The following MAFG variants were observed in gnomAD, a reference collection of about 807,000 sequenced individuals.
The protein encoded by MAFG is MAF bZIP transcription factor G, also known as transcription factor MafG.
Under a neutral mutation model 12.2 loss-of-function variants are expected in MAFG, and 3 were observed. The ratio of observed to expected loss-of-function variants is 0.25; its 90% confidence interval spans 0.11 to 0.64. The LOEUF (loss-of-function observed/expected upper bound fraction) is 0.64, where lower values mean the gene tolerates loss of function less well. Ranked by LOEUF, MAFG falls within the 30% of genes least tolerant of loss-of-function variation. MAFG has a pLI of 0.85. For missense variants in MAFG, 153 were observed against 235.5 expected (o/e 0.65, Z 2.29); for synonymous variants, 126 against 109.1 (o/e 1.15, Z -0.96).
chr17:81,925,457 G>A (rs906939650), intron 1 of MAFG, among the ~76,000 whole-genome samples: 2 of 152,244 alleles, frequency 1.3e-5, no homozygotes, highest in African/African-American at 4.8e-5. Context: ...GCTCCTGAAA[G>A]TCACTCTTTG....
chr17:81,922,921 G>A lies in MAFG; in HGVS notation c.173C>T (p.Thr58Met), dbSNP rs1598347485. 1.9e-6 allele frequency: 3 copies of A among 1,608,212 alleles called. No individual in the cohort carries two copies. The highest frequency in any genetic ancestry group is 2.5e-6 in the Non-Finnish European group (3 of 1,177,848). The change falls in exon 3 of 3, where the codon ACG becomes ATG. Residue 58 changes from threonine (T) to methionine (M), a missense_variant. Coordinates refer to ENST00000357736, the MANE Select transcript of MAFG (RefSeq NM_002359.4). ...GGCAGCGTAGCCGCGGTTCTTGAGC[G>A]TGCGCCGGCGCTGCTTCAGCTGGAC... ...EIVQLKQRRR[T>M]LKNRGYAASC... is the part of the protein sequence containing the mutation.
chr17:81,929,145 G>A (rs757839535), upstream of MAFG, among the ~76,000 whole-genome samples: 9 of 152,216 alleles, frequency 5.9e-5, no homozygotes, highest in Admixed American at 2.0e-4. The surrounding 1 kb of genome is among the most constrained non-coding windows in gnomAD (Gnocchi z 5.7). Context: ...TCACAGGGTC[G>A]AGCCCGCTCT....
At chr17:81,928,199 TC>T (rs1392864212), upstream of MAFG, 3 of 152,100 alleles carry the variant, frequency 2.0e-5, no homozygotes, top group Non-Finnish European at 4.4e-5. The surrounding 1 kb of genome is among the most constrained non-coding windows in gnomAD (Gnocchi z 8.1). Context: ...GCCTGGCAGC[TC>T]CCAGCAGCGA....
rs2040951719 is a variant in MAFG, at chr17:81,927,541, C to T, written c.-43G>A. The T allele has an allele frequency of 6.9e-6, 1 of 145,492 alleles. No individual in the cohort carries two copies. Among genetic ancestry groups the T allele is most frequent in the Admixed American group, 6.8e-5 (1 of 14,690 alleles). 9.0% of individuals were successfully genotyped at this position (145,492 alleles called of 1,614,324 possible). On this transcript the variant is annotated 5_prime_UTR_variant, in exon 1 of 3. Transcript: ENST00000357736. ...AGCCGCACTCACCACACTGCGGGCCCGGCGGGCCGAGGCCGGGGCGGGGCG... is the reference window on the plus strand; with the variant it reads ...AGCCGCACTCACCACACTGCGGGCCTGGCGGGCCGAGGCCGGGGCGGGGCG...
intron 1 of MAFG, 46 bp from the exon 2 acceptor site, chr17:81,923,260 G>GCCCCCCCCCCCCCCCC (rs1418757108): frequency 9.3e-6 from 4 of 428,384 alleles, no homozygotes; most frequent in Non-Finnish European, 9.4e-6. Context: ...CACCCTCGCC[G>GCCCCCCCCCCCCCCCC]CACCCCCCCC....
At chr17:81,925,383 C>T (rs1258182381) in intron 1 of MAFG, among the ~76,000 whole-genome samples, 2 of 152,270 alleles carry the variant, frequency 1.3e-5, no homozygotes, top group African/African-American at 4.8e-5. Flanking sequence ...ACAGCCCCAC[C>T]TGGCTGCAAA....
chr17:81,922,464 A>G lies in MAFG; in HGVS notation c.*141T>C, dbSNP rs1215421226. On this transcript the variant is annotated 3_prime_UTR_variant, in exon 3 of 3. Coordinates refer to ENST00000357736, the MANE Select transcript of MAFG (RefSeq NM_002359.4). ...GGGCTCAGCCCGGCGCCCCTGGGGT[A>G]CAGGTTGTGCTTTGCAGGGAAGAGA... 1 of 620,840 alleles carries G rather than the reference A, an allele frequency of 1.6e-6. No individual in the cohort carries two copies. The highest frequency in any genetic ancestry group is 2.6e-6 in the Non-Finnish European group (1 of 391,256). 38.5% of individuals were successfully genotyped at this position (620,840 alleles called of 1,614,324 possible).
At chr17:81,931,159 C>T (rs1359712071), upstream of MAFG, among the ~76,000 whole-genome samples, 3 of 152,166 alleles carry the variant, frequency 2.0e-5, no homozygotes, top group Non-Finnish European at 4.4e-5. Context: ...CTCCTAGGGC[C>T]CGCCTGCTGA....
rs1281888898 is a variant in MAFG, at chr17:81,926,444, C to T, written c.-30+1084G>A. 6.6e-6 allele frequency among the ~76,000 whole-genome samples: 1 copy of T among 152,132 alleles called. No homozygotes were observed. The highest frequency in any genetic ancestry group is 2.4e-5 in the African/African-American group (1 of 41,426). On this transcript the variant is annotated intron_variant, in intron 1 of 2. Transcript: ENST00000357736. The surrounding 1 kb of genome is among the most constrained non-coding windows in gnomAD (Gnocchi z 4.6). ...GCTGCTTCCTCCCCTTTGCCGTTTCCTGGTAGAGCTGCCCCTGCTTCCTCC... is the reference window on the plus strand; with the variant it reads ...GCTGCTTCCTCCCCTTTGCCGTTTCTTGGTAGAGCTGCCCCTGCTTCCTCC...
In MAFG at chr17:81,923,172, T is replaced by C. The variant is rs544293892; in HGVS notation, c.14A>G (p.Asn5Ser). Residue 5 changes from asparagine (N) to serine (S), a missense_variant, in exon 2 of 3, where the codon AAT becomes AGT. Asn to Ser is a conservative substitution (Grantham distance 46). Around this residue, in one of 3 missense-constraint regions of MAFG, gnomAD observed 43 missense variants for 65.6 expected, o/e 0.66. Coordinates refer to ENST00000357736, the MANE Select transcript of MAFG (RefSeq NM_002359.4). The part of the protein sequence containing the change: MTTP[N>S]KGNKALKVKR... ...CACCTTCAAGGCCTTGTTTCCTTTA[T>C]TGGGGGTCGTCATAACCCGGGGGCA... The C allele has an allele frequency of 1.1e-4, 181 of 1,606,756 alleles. 4 individuals are homozygous for C. The South Asian group carries it at 1.6e-3, about 14-fold the overall frequency.
rs1567916031 is a variant in MAFG, at chr17:81,926,028, G to GTGTGTGTGTGTGTGT, written c.-30+1499_-30+1500insACACACACACACACA. ...TGTGTGTGTGTGTGTGTGTGTGTGT[G>GTGTGTGTGTGTGTGT]GCGGGGGGCGGGGGGCATCCCTGAG... On this transcript the variant is annotated intron_variant, in intron 1 of 2. Transcript: ENST00000357736. The surrounding 1 kb of genome is among the most constrained non-coding windows in gnomAD (Gnocchi z 4.6). 1.5e-4 allele frequency among the ~76,000 whole-genome samples: 17 copies of GTGTGTGTGTGTGTGT among 109,688 alleles called. No homozygotes were observed. Among genetic ancestry groups the GTGTGTGTGTGTGTGT allele is most frequent in the African/African-American group, 5.2e-4 (16 of 31,052 alleles). 72.0% of individuals were successfully genotyped at this position (109,688 alleles called of 152,430 possible). A position where few individuals can be genotyped will look rare whatever the true frequency, so the allele number is the denominator to read the frequency against.
intron 1 of MAFG, chr17:81,923,665 CCCGCCAGCCAACAGCG>C (rs2040918326): frequency 6.4e-6 from 1 of 155,628 alleles, no homozygotes. Flanking sequence ...CACTCCCTGG[CCCGCCAGCCAACAGCG>C]CCCCACGAGA....
upstream of MAFG, chr17:81,929,505 G>C (rs1416309470): frequency 6.6e-6 from 1 of 152,396 alleles, no homozygotes; most frequent in Non-Finnish European, 1.5e-5. This position sits in a 1 kb window ranked among gnomAD's most constrained non-coding sequence, Gnocchi z 5.7. Flanking sequence ...GGTCAGTGAG[G>C]GCTGGCACTG....
rs1598347493 is a variant in MAFG, at chr17:81,922,959, G to C, written c.135C>G (p.Ser45=). The C allele has an allele frequency of 2.5e-6, 4 of 1,602,014 alleles. No homozygotes were observed. Among genetic ancestry groups the C allele is most frequent in the Non-Finnish European group, 3.4e-6 (4 of 1,174,552 alleles). The change falls in exon 3 of 3, where the codon TCC becomes TCG. Residue 45 remains serine (S), a synonymous_variant. Transcript: ENST00000357736. ...RELNQHLRGL[S]KEEIVQLKQR... ...GCTTCAGCTGGACGATCTCCTCCTT[G>C]GACAGGCCCCGCAGGTGCTGGTTCA...
At position 81,926,034 on chromosome 17, in the gene MAFG, G is replaced by A; in HGVS notation, c.-30+1494C>T. On this transcript the variant is annotated intron_variant, in intron 1 of 2. Coordinates refer to ENST00000357736, the MANE Select transcript of MAFG (RefSeq NM_002359.4). The surrounding 1 kb of genome is among the most constrained non-coding windows in gnomAD (Gnocchi z 4.6). Reference sequence around the variant, plus strand: ...TGTGTGTGTGTGTGTGTGTGGCGGGGGGCGGGGGGCATCCCTGAGGGCAAA... The same window carrying A: ...TGTGTGTGTGTGTGTGTGTGGCGGGAGGCGGGGGGCATCCCTGAGGGCAAA... Among the ~76,000 whole-genome samples the A allele has an allele frequency of 7.4e-6, 1 of 134,562 alleles. No individual in the cohort carries two copies. The highest frequency in any genetic ancestry group is 2.7e-5 in the African/African-American group (1 of 36,674). 88.3% of individuals were successfully genotyped at this position (134,562 alleles called of 152,430 possible). A position where few individuals can be genotyped will look rare whatever the true frequency, so the allele number is the denominator to read the frequency against.
chr17:81,922,395 A>C lies in MAFG; in HGVS notation c.*210T>G, dbSNP rs975666049. On this transcript the variant is annotated 3_prime_UTR_variant, in exon 3 of 3. Transcript: ENST00000357736. ...ACCCCACGTCACCGCCGAACTGACC[A>C]ATCCCAACATACAAAACACACGACG... The C allele has an allele frequency of 2.3e-6, 1 of 436,102 alleles. No homozygotes were observed. The highest frequency in any genetic ancestry group is 2.1e-5 in the African/African-American group (1 of 48,222). The allele number at this position is 436,102 out of a possible 1,614,324, so 27.0% of individuals were successfully genotyped here.
At position 81,921,732 on chromosome 17, in the gene MAFG, T is replaced by C. The variant is rs1227604300; in HGVS notation, c.*873A>G. ...TTAACTAGCAAAGTTTCTATTATAC[T>C]TTCTTCCCTTTTCCATTCATATGGT... On this transcript the variant is annotated 3_prime_UTR_variant, in exon 3 of 3. Transcript: ENST00000357736. 2 of 152,038 alleles carry C rather than the reference T, an allele frequency of 1.3e-5. No individual in the cohort carries two copies. The highest frequency in any genetic ancestry group is 4.8e-5 in the African/African-American group (2 of 41,386). 9.4% of individuals were successfully genotyped at this position (152,038 alleles called of 1,614,324 possible).
chr17:81,931,005 G>C (rs889828055), upstream of MAFG, among the ~76,000 whole-genome samples: 1 of 152,148 alleles, frequency 6.6e-6, no homozygotes, highest in Non-Finnish European at 1.5e-5. Context: ...CCGTCCTCAC[G>C]CTCTGTGGCT....
At chr17:81,923,256 C>CT in intron 1 of MAFG, 42 bp from the exon 2 acceptor site, 1 of 824,920 alleles carries the variant, frequency 1.2e-6, no homozygotes. Flanking sequence ...AGACCACCCT[C>CT]GCCGCACCCC....
Sources: gnomAD v4.1 joint callset for allele counts (sites outside exome capture counted in the v4.1 genomes callset) on GRCh38, gnomAD v4.1.1 for gene constraint, gnomAD v4.1.1 regional missense constraint, Gnocchi (gnomAD v3.1) non-coding constraint, MANE v1.5 for transcripts, NCBI Gene and HGNC (gene_info 2026-07-23, HGNC 2026-07-21) for gene names.